PKHD1L1: variants seen among roughly 807,000 people sequenced by gnomAD.
PKHD1L1 encodes PKHD1 like 1.
In PKHD1L1, 434 loss-of-function variants were observed where a neutral mutation model predicts 462.9. That is an observed-to-expected ratio of 0.94 (90% CI 0.87 to 1.02). PKHD1L1 has a LOEUF of 1.02. Ranked by LOEUF, PKHD1L1 falls within the 50% of genes least tolerant of loss-of-function variation. PKHD1L1 has a pLI of 0.00. For missense variants in PKHD1L1, 5,202 were observed against 5,096.1 expected (o/e 1.02, Z -0.63); for synonymous variants, 1,781 against 1,750.0 (o/e 1.02, Z -0.44).
rs956106444 is a variant in PKHD1L1, at chr8:109,438,444, C to T, written c.3748C>T (p.Arg1250Ter). 46 of 1,539,420 alleles carry T rather than the reference C, an allele frequency of 3.0e-5. No homozygotes were observed. Among genetic ancestry groups the T allele is most frequent in the African/African-American group, 2.8e-4 (20 of 72,580 alleles). The change falls in exon 31 of 78, where the codon CGA becomes TGA. Residue 1250 changes from arginine to a stop codon, truncating the protein, a stop_gained. Transcript: ENST00000378402. LOFTEE classifies it high-confidence loss of function. ...TATAACTGATTTTAGTCCAAAAGTACGAACAATACTAGGTAAGAAATTCTT... is the reference window on the plus strand; with the variant it reads ...TATAACTGATTTTAGTCCAAAAGTATGAACAATACTAGGTAAGAAATTCTT... ...PIITDFSPKV[R>*]TILGEVNLTI...
chr8:109,430,604 G>GCATAATTA (rs1268581906), intron 27 of PKHD1L1, among the ~76,000 whole-genome samples: 2 of 152,054 alleles, frequency 1.3e-5, no homozygotes, highest in Non-Finnish European at 2.9e-5. Context: ...CTTTGTGTCT[G>GCATAATTA]AGCAACTAAG....
At chr8:109,364,252 G>C (rs2130284801) in intron 1 of PKHD1L1, among the ~76,000 whole-genome samples, 2 of 152,230 alleles carry the variant, frequency 1.3e-5, no homozygotes, top group South Asian at 4.2e-4. Context: ...TGAAATTAAG[G>C]ATTTAATACG....
At chr8:109,410,724 TTC>T (rs1425654886) in intron 19 of PKHD1L1, among the ~76,000 whole-genome samples, 18 of 111,694 alleles carry the variant, frequency 1.6e-4, no homozygotes, top group African/African-American at 7.2e-4. Flanking sequence ...TCTTTTCTTT[TTC>T]TTTTTTTTTT....
chr8:109,382,519 C>A lies in PKHD1L1; in HGVS notation c.365C>A (p.Thr122Lys). 8.7e-6 allele frequency: 14 copies of A among 1,612,540 alleles called. No individual in the cohort carries two copies. Among genetic ancestry groups the A allele is most frequent in the Non-Finnish European group, 1.2e-5 (14 of 1,179,160 alleles). ...GTCAGTGTGGACGGGGTTCCTGTTA[C>A]GGAAAATAACACCTGCAAAGGTCAC... is the stretch of plus-strand genomic sequence containing the variant. The part of the protein sequence containing the change: ...VRVSVDGVPV[T>K]ENNTCKGHIN... The change falls in exon 4 of 78, where the codon ACG becomes AAG. Residue 122 changes from threonine (T) to lysine (K), a missense_variant. Transcript: ENST00000378402.
At position 109,476,571 on chromosome 8, in the gene PKHD1L1, G is replaced by C. The variant is rs768613700; in HGVS notation, c.8821G>C (p.Asp2941His). 2.6e-6 allele frequency: 4 copies of C among 1,559,044 alleles called. No individual in the cohort carries two copies. In the South Asian group the frequency reaches 4.7e-5, roughly 18 times the overall value. Residue 2941 changes from aspartate to histidine, a missense_variant, in exon 52 of 78, where the codon GAT becomes CAT. Physicochemically the swap from Asp to His is moderately conservative, Grantham distance 81 (BLOSUM62 -1). Transcript: ENST00000378402. ...AAATCCTGACATGTTTAATATTATT[G>C]ATATGAGGAATGGTTCCTCAAATCC... Reference protein sequence around the residue: ...TQNPDMFNIIDMRNGSSNPLN... With the variant: ...TQNPDMFNIIHMRNGSSNPLN...
In PKHD1L1 at chr8:109,389,940, A is replaced by C. The variant is rs189336988; in HGVS notation, c.698-512A>C. Among the ~76,000 whole-genome samples, 38 of 151,310 alleles carry C rather than the reference A, an allele frequency of 2.5e-4. 1 individual carries two copies. The East Asian group carries it at 6.6e-3, about 26-fold the overall frequency. On this transcript the variant is annotated intron_variant, in intron 8 of 77. Transcript: ENST00000378402. ...TGTTCTCAAAAAGGCCTAGGTCATC[A>C]CTTGTCTTACATTCTCAAAGCTCAT...
intron 12 of PKHD1L1, 27 bp downstream of exon 12, chr8:109,398,575 A>G: frequency 1.8e-6 from 2 of 1,122,966 alleles, no homozygotes; most frequent in Non-Finnish European, 1.3e-6. Context: ...GACAATGGCC[A>G]TTTCTATATT....
At chr8:109,474,268 T>C (rs553394817) in intron 50 of PKHD1L1, among the ~76,000 whole-genome samples, 1 of 152,296 alleles carries the variant, frequency 6.6e-6, no homozygotes, top group South Asian at 2.1e-4. Context: ...TAAGAGGTTG[T>C]TACTTTAATA....
chr8:109,452,004 G>T, intron 41 of PKHD1L1, 120 bp from the exon 42 acceptor site: 3 of 803,690 alleles, frequency 3.7e-6, no homozygotes, highest in South Asian at 4.8e-5. Flanking sequence ...CTACACTTTG[G>T]TGGCTGATAG....
intron 9 of PKHD1L1, among the ~76,000 whole-genome samples, chr8:109,390,995 C>T (rs1812685509): frequency 1.3e-5 from 2 of 152,090 alleles, no homozygotes; most frequent in African/African-American, 4.8e-5. Flanking sequence ...GAACTCATTT[C>T]CAGATGTTCT....
chr8:109,430,658 T>C (rs973182055), intron 27 of PKHD1L1, among the ~76,000 whole-genome samples: 6 of 152,118 alleles, frequency 3.9e-5, no homozygotes, highest in African/African-American at 1.4e-4. Flanking sequence ...AGGGATGGCT[T>C]TTTTCAATCA....
chr8:109,386,452 G>T (rs931674392), intron 6 of PKHD1L1, among the ~76,000 whole-genome samples: 1 of 152,028 alleles, frequency 6.6e-6, no homozygotes, highest in Non-Finnish European at 1.5e-5. Context: ...AGAATTTTTT[G>T]AATGCTGTAA....
In PKHD1L1 at chr8:109,438,898, A is replaced by T. The variant is rs190992304; in HGVS notation, c.3762A>T (p.Gly1254=). 32 of 1,590,898 alleles carry T rather than the reference A, an allele frequency of 2.0e-5. No individual in the cohort carries two copies. The African/African-American group carries it at 4.2e-4, about 21-fold the overall frequency. ...ATTTTTTAAATTTTAAAATACCAGG[A>T]GAAGTTAATTTAACAATTAAGGGCT... ...DFSPKVRTIL[G]EVNLTIKGYN... Residue 1254 remains glycine, a splice_region_variant and synonymous_variant, in exon 32 of 78, where the codon GGA becomes GGT. Transcript: ENST00000378402.
intron 21 of PKHD1L1, among the ~76,000 whole-genome samples, chr8:109,416,803 C>G (rs975692270): frequency 6.6e-6 from 1 of 152,130 alleles, no homozygotes; most frequent in Non-Finnish European, 1.5e-5. Context: ...CTGCTTCATG[C>G]CCAATTTGCT....
rs755070385 is a variant in PKHD1L1 at position 109,448,228 on chromosome 8, G to C, written c.5862G>C (p.Gln1954His). Residue 1954 changes from glutamine to histidine, a missense_variant, in exon 39 of 78, where the codon CAG becomes CAC. Physicochemically the swap from Gln to His is conservative, Grantham distance 24. This residue lies in a region of PKHD1L1 where 4,497 missense variants were observed against 4,336.8 expected (regional missense o/e 1.04). Coordinates refer to ENST00000378402, the MANE Select transcript of PKHD1L1 (RefSeq NM_177531.6). ...TCTCCGTGATGATAAATAACATTCA[G>C]TGTAATGTAACCATGGCCAATGATA... ...LEISVMINNIQCNVTMANDSV... is the reference protein window; with the variant it reads ...LEISVMINNIHCNVTMANDSV... 13 of 1,613,082 alleles carry C rather than the reference G, an allele frequency of 8.1e-6. No homozygotes were observed. Among genetic ancestry groups the C allele is most frequent in the Non-Finnish European group, 1.1e-5 (13 of 1,179,694 alleles).
rs1403982929 is a variant in PKHD1L1 at position 109,476,576 on chromosome 8, G to A, written c.8826G>A (p.Met2942Ile). 1 of 1,566,918 alleles carries A rather than the reference G, an allele frequency of 6.4e-7. No individual in the cohort carries two copies. The highest frequency in any genetic ancestry group is 8.7e-7 in the Non-Finnish European group (1 of 1,148,342). Residue 2942 changes from methionine (M) to isoleucine (I), a missense_variant, in exon 52 of 78, where the codon ATG becomes ATA. Transcript: ENST00000378402. The stretch of plus-strand genomic sequence containing the variant: ...CTGACATGTTTAATATTATTGATAT[G>A]AGGAATGGTTCCTCAAATCCATTGA... ...QNPDMFNIID[M>I]RNGSSNPLNW...
At chr8:109,367,174 A>G (rs1307262649) in intron 2 of PKHD1L1, among the ~76,000 whole-genome samples, 4 of 152,224 alleles carry the variant, frequency 2.6e-5, no homozygotes, top group Non-Finnish European at 5.9e-5. Flanking sequence ...CTACAAAATG[A>G]TAATGAATTT....
chr8:109,427,516 C>A (rs1563530153), intron 25 of PKHD1L1, among the ~76,000 whole-genome samples: 1 of 152,098 alleles, frequency 6.6e-6, no homozygotes, highest in Non-Finnish European at 1.5e-5. Flanking sequence ...GAATCAGCCT[C>A]ACTATCATTC....
intron 27 of PKHD1L1, among the ~76,000 whole-genome samples, chr8:109,431,169 T>C (rs994811041): frequency 3.3e-5 from 5 of 152,172 alleles, no homozygotes; most frequent in African/African-American, 9.7e-5. Context: ...AGTTTTACCA[T>C]GTTGGCCAGG....
Sources: gnomAD v4.1 joint callset for allele counts (sites outside exome capture counted in the v4.1 genomes callset) on GRCh38, gnomAD v4.1.1 for gene constraint, gnomAD v4.1.1 regional missense constraint, MANE v1.5 for transcripts, NCBI Gene and HGNC (gene_info 2026-07-23, HGNC 2026-07-21) for gene names.